CACNB2: variants seen among roughly 807,000 people sequenced by gnomAD.
CACNB2 encodes the protein calcium voltage-gated channel auxiliary subunit beta 2.
A neutral mutation model predicts 73.3 loss-of-function variants in CACNB2; 42 were observed. That is an observed-to-expected ratio of 0.57 (90% CI 0.45 to 0.74). CACNB2 has a LOEUF of 0.74. Ranked by LOEUF, CACNB2 falls within the 30% of genes least tolerant of loss-of-function variation. The probability of loss-of-function intolerance (pLI) is 0.00; values close to 1 mark genes in which losing one functional copy is unlikely to be tolerated. For synonymous variants in CACNB2, 348 were observed against 310.3 expected (o/e 1.12, Z -1.28); for missense variants, 940 against 853.0 (o/e 1.10, Z -1.27).
At chr10:18,372,270 T>A (rs1440758223) in intron 2 of CACNB2, among the ~76,000 whole-genome samples, 3 of 152,218 alleles carry the variant, frequency 2.0e-5, no homozygotes, top group Non-Finnish European at 4.4e-5. Flanking sequence ...AGACATGAAG[T>A]CCTTGCCCAT....
chr10:18,189,573 G>T (rs1468172041), intron 2 of CACNB2, among the ~76,000 whole-genome samples: 1 of 152,056 alleles, frequency 6.6e-6, no homozygotes, highest in African/African-American at 2.4e-5. Flanking sequence ...GCTATGGCAG[G>T]ATACTATTTG....
chr10:18,446,813 C>T (rs1323594738), intron 3 of CACNB2, among the ~76,000 whole-genome samples: 1 of 152,096 alleles, frequency 6.6e-6, no homozygotes, highest in Admixed American at 6.6e-5. Context: ...GCCTGTAATC[C>T]TAGCAGTTTG....
intron 2 of CACNB2, among the ~76,000 whole-genome samples, chr10:18,324,113 ATCAT>A (rs1487494941): frequency 2.6e-5 from 4 of 152,258 alleles, no homozygotes; most frequent in Non-Finnish European, 2.9e-5. Flanking sequence ...AATTTAAAAA[ATCAT>A]TCATTCACTC....
chr10:18,256,391 T>G (rs894366253), intron 2 of CACNB2, among the ~76,000 whole-genome samples: 1 of 152,232 alleles, frequency 6.6e-6, no homozygotes, highest in East Asian at 1.9e-4. Context: ...GAATTTTTTT[T>G]CTACTTCTTA....
rs71402168 is a variant in CACNB2, at chr10:18,443,014, G to GTATATA, written c.333+40988_333+40993dup. Among the ~76,000 whole-genome samples the GTATATA allele has an allele frequency of 2.4e-4, 4 of 16,536 alleles. 1 individual carries two copies. Among genetic ancestry groups the GTATATA allele is most frequent in the African/African-American group, 5.2e-4 (1 of 1,910 alleles). 10.8% of individuals were successfully genotyped at this position (16,536 alleles called of 152,430 possible). On this transcript the variant is annotated intron_variant, in intron 3 of 13. Coordinates refer to ENST00000324631, the MANE Select transcript of CACNB2 (RefSeq NM_201596.3). ...TATATATATGTGTATATATATATAT[G>GTATATA]TATATATATATATATATATATAAAT...
At chr10:18,348,422 TG>T (rs2041562762) in intron 2 of CACNB2, among the ~76,000 whole-genome samples, 1 of 152,176 alleles carries the variant, frequency 6.6e-6, no homozygotes, top group Non-Finnish European at 1.5e-5. Context: ...GGTGGTTATA[TG>T]GGCTAAATTT....
At position 18,290,112 on chromosome 10, in the gene CACNB2, C is replaced by CTTTTTTTTTTTTTTTTTTTTTTTTTTTTT. The variant is rs992393946; in HGVS notation, c.214-111785_214-111784insTTTTTTTTTTTTTTTTTTTTTTTTTTTTT. ...TAAAGTTTTTTTCTTTTTTCTTTTT[C>CTTTTTTTTTTTTTTTTTTTTTTTTTTTTT]TTTTTTTTTTTTTTTTTTTTTTTTT... On this transcript the variant is annotated intron_variant, in intron 2 of 13. Transcript: ENST00000324631. Among the ~76,000 whole-genome samples the CTTTTTTTTTTTTTTTTTTTTTTTTTTTTT allele has an allele frequency of 1.2e-4, 6 of 50,134 alleles. 1 individual carries two copies. Among genetic ancestry groups the CTTTTTTTTTTTTTTTTTTTTTTTTTTTTT allele is most frequent in the Admixed American group, 3.2e-4 (1 of 3,100 alleles). 32.9% of individuals were successfully genotyped at this position (50,134 alleles called of 152,430 possible).
intron 2 of CACNB2, among the ~76,000 whole-genome samples, chr10:18,170,296 T>G (rs945823902): frequency 1.3e-5 from 2 of 152,178 alleles, no homozygotes; most frequent in African/African-American, 4.8e-5. Context: ...CTTTACAGAA[T>G]GAATGAATGA....
chr10:18,327,704 G>A (rs1221886703), intron 2 of CACNB2, among the ~76,000 whole-genome samples: 2 of 152,220 alleles, frequency 1.3e-5, no homozygotes, highest in Admixed American at 6.5e-5. Flanking sequence ...GATTACAGGT[G>A]AGGCATGAGC....
intron 3 of CACNB2, among the ~76,000 whole-genome samples, chr10:18,497,871 T>G (rs149342306): frequency 1.3e-5 from 2 of 152,346 alleles, no homozygotes; most frequent in African/African-American, 4.8e-5. Flanking sequence ...AGAGTTGCTA[T>G]AGTTGTAGCA....
chr10:18,355,630 CTTT>C (rs549165226), intron 2 of CACNB2, among the ~76,000 whole-genome samples: 2 of 140,770 alleles, frequency 1.4e-5, no homozygotes, highest in Admixed American at 1.4e-4. Context: ...TGATTTTTCT[CTTT>C]TTTTTTTTTT....
At chr10:18,161,077 G>T (rs1181629079) in intron 2 of CACNB2, among the ~76,000 whole-genome samples, 1 of 152,114 alleles carries the variant, frequency 6.6e-6, no homozygotes, top group Non-Finnish European at 1.5e-5. Flanking sequence ...TATTGCAGTT[G>T]GAGGATAAAG....
At chr10:18,426,202 G>C (rs766374981) in intron 3 of CACNB2, among the ~76,000 whole-genome samples, 31 of 152,300 alleles carry the variant, frequency 2.0e-4, no homozygotes, top group South Asian at 6.2e-4. Context: ...GATCAACTTG[G>C]AGGAAAATGC....
chr10:18,518,432 C>A lies in CACNB2; in HGVS notation c.885+16C>A. 6.5e-7 allele frequency: 1 copy of A among 1,534,840 alleles called. No individual in the cohort carries two copies. The highest frequency in any genetic ancestry group is 9.0e-7 in the Non-Finnish European group (1 of 1,108,084). On this transcript the variant is annotated intron_variant, in intron 8 of 13. Transcript: ENST00000324631. ...GGGCTACGAGGTGGGTAGCAGCCTT[C>A]CACAGGAAGCTTAACTTGCATGCTG...
At chr10:18,512,380 T>G (rs1408018250) in intron 6 of CACNB2, among the ~76,000 whole-genome samples, 2 of 152,214 alleles carry the variant, frequency 1.3e-5, no homozygotes, top group African/African-American at 4.8e-5. Context: ...ATCTTAATCC[T>G]GTCCTTCCTG....
At position 18,540,223 on chromosome 10, in the gene CACNB2, C is replaced by G. The variant is rs1308829070; in HGVS notation, c.*499C>G. On this transcript the variant is annotated 3_prime_UTR_variant, in exon 14 of 14. Transcript: ENST00000324631. ...GGGACAGATTCAGTCTTGCCTTACA[C>G]AAAGGGGATCATAAAGTTAGAATCT... 1.1e-5 allele frequency: 2 copies of G among 177,220 alleles called. No homozygotes were observed. Among genetic ancestry groups the G allele is most frequent in the Non-Finnish European group, 2.4e-5 (2 of 82,622 alleles). The allele number at this position is 177,220 out of a possible 1,614,324, so 11.0% of individuals were successfully genotyped here.
intron 6 of CACNB2, among the ~76,000 whole-genome samples, chr10:18,513,933 G>A (rs1236760936): frequency 6.6e-6 from 1 of 152,200 alleles, no homozygotes; most frequent in Non-Finnish European, 1.5e-5. Flanking sequence ...TTGATACAGA[G>A]AAAATCAACA....
At position 18,191,373 on chromosome 10, in the gene CACNB2, G is replaced by C. The variant is rs74120241; in HGVS notation, c.213+40398G>C. On this transcript the variant is annotated intron_variant, in intron 2 of 13. Transcript: ENST00000324631. The stretch of plus-strand genomic sequence containing the variant: ...TGTATTGCTGCTTTTGCAGCCCTGT[G>C]CTTCTTGTTTCAGTGATTGATGAAG... Among the ~76,000 whole-genome samples the C allele has an allele frequency of 2.4e-3, 363 of 152,292 alleles. 2 individuals are homozygous for C. Among genetic ancestry groups the C allele is most frequent in the African/African-American group, 8.5e-3 (355 of 41,578 alleles).
chr10:18,150,904 A>G lies in CACNB2; in HGVS notation c.142A>G (p.Arg48Gly). 2.8e-6 allele frequency: 4 copies of G among 1,403,952 alleles called. No homozygotes were observed. The highest frequency in any genetic ancestry group is 3.9e-6 in the Non-Finnish European group (4 of 1,027,954). 87.0% of individuals were successfully genotyped at this position (1,403,952 alleles called of 1,614,324 possible). A position where few individuals can be genotyped will look rare whatever the true frequency, so the allele number is the denominator to read the frequency against. The change falls in exon 2 of 14, where the codon AGG (arginine) becomes GGG (glycine). Residue 48 changes from arginine (R) to glycine (G), a missense_variant. By Grantham distance (125) the Arg-to-Gly change is moderately radical. Coordinates refer to ENST00000324631, the MANE Select transcript of CACNB2 (RefSeq NM_201596.3). ...TTAGTCATATGGAAAAGGAGCCAGA[A>G]GGAAAAACAGATTTAAAGGATCTGA... ...AAQSYGKGAR[R>G]KNRFKGSDGS...
Sources: gnomAD v4.1 joint callset for allele counts (sites outside exome capture counted in the v4.1 genomes callset) on GRCh38, gnomAD v4.1.1 for gene constraint, MANE v1.5 for transcripts, NCBI Gene and HGNC (gene_info 2026-07-23, HGNC 2026-07-21) for gene names.